The following TMEM181 variants were observed in gnomAD, a reference collection of about 807,000 sequenced individuals.
TMEM181 encodes transmembrane protein 181, also known as G protein-coupled receptor 178.
In TMEM181, 39 loss-of-function variants were observed where a neutral mutation model predicts 71.9. The observed-to-expected ratio is 0.54, with a 90% CI of 0.42 to 0.71. The LOEUF (loss-of-function observed/expected upper bound fraction) is 0.71, where lower values mean the gene tolerates loss of function less well. Among genes scored for constraint, TMEM181 ranks in the 30% least tolerant of loss-of-function variants. The probability of loss-of-function intolerance (pLI) is 0.00; values close to 1 mark genes in which losing one functional copy is unlikely to be tolerated. For synonymous variants in TMEM181, 245 were observed against 228.8 expected, an observed-to-expected ratio of 1.07 and a Z score of -0.64; for missense variants, 595 against 583.0, an observed-to-expected ratio of 1.02 and a Z score of -0.21.
chr6:158,606,070 G>A (rs1045044581), intron 7 of TMEM181, among the ~76,000 whole-genome samples: 1 of 152,112 alleles, frequency 6.6e-6, no homozygotes, highest in Non-Finnish European at 1.5e-5. Context: ...GAGTAACTGT[G>A]CATGGAAGGA....
chr6:158,573,554 T>C (rs544771571), intron 2 of TMEM181, 31 bp downstream of exon 2: 17 of 1,556,658 alleles, frequency 1.1e-5, no homozygotes, highest in East Asian at 4.8e-5. Flanking sequence ...ATTGAATCTT[T>C]TGCCATGCGC....
intron 10 of TMEM181, among the ~76,000 whole-genome samples, chr6:158,623,024 C>T (rs1245701764): frequency 1.3e-5 from 2 of 152,140 alleles, no homozygotes; most frequent in South Asian, 2.1e-4. Context: ...GGAGTAGCTC[C>T]GTTTCCAGGT....
intron 6 of TMEM181, among the ~76,000 whole-genome samples, chr6:158,591,399 G>A (rs1410110537): frequency 1.3e-5 from 2 of 152,138 alleles, no homozygotes; most frequent in Non-Finnish European, 1.5e-5. Context: ...CGGGAGCCAC[G>A]TCACTAGTGG....
At chr6:158,562,510 A>G (rs1782247449) in intron 1 of TMEM181, among the ~76,000 whole-genome samples, 1 of 148,090 alleles carries the variant, frequency 6.8e-6, no homozygotes, top group African/African-American at 2.5e-5. Flanking sequence ...TTTAGTGTGT[A>G]TTTTATGTGT....
chr6:158,550,046 A>T (rs560719487), intron 1 of TMEM181, among the ~76,000 whole-genome samples: 1 of 150,106 alleles, frequency 6.7e-6, no homozygotes, highest in South Asian at 2.1e-4. Context: ...CTCCAAAAGC[A>T]TCACTGATCA....
intron 13 of TMEM181, among the ~76,000 whole-genome samples, chr6:158,627,888 C>T (rs1189414332): frequency 6.6e-6 from 1 of 152,150 alleles, no homozygotes; most frequent in Non-Finnish European, 1.5e-5. Context: ...GTCCCGAGGC[C>T]TCTGTTGTCA....
chr6:158,590,652 CAG>C (rs1784057818), intron 6 of TMEM181, among the ~76,000 whole-genome samples: 1 of 152,166 alleles, frequency 6.6e-6, no homozygotes, highest in African/African-American at 2.4e-5. Flanking sequence ...TTAGTAGAGA[CAG>C]AGTTTCACCA....
At chr6:158,553,410 T>TGCA (rs1781777349) in intron 1 of TMEM181, among the ~76,000 whole-genome samples, 3 of 152,356 alleles carry the variant, frequency 2.0e-5, no homozygotes, top group African/African-American at 7.2e-5. Flanking sequence ...TATTTCTCTG[T>TGCA]TAACCATTTT....
rs559844193 is a variant in TMEM181 at position 158,538,466 on chromosome 6, T to C, written c.131+1601T>C. ...CACCATGCCTGGCCTTTTTTTTTTT[T>C]CCTGTATTTTCTTTTCTTGGGAATA... On this transcript the variant is annotated intron_variant, in intron 1 of 16. Transcript: ENST00000367090. Among the ~76,000 whole-genome samples the C allele has an allele frequency of 2.1e-4, 32 of 151,832 alleles. No individual in the cohort carries two copies. In the East Asian group the frequency reaches 5.6e-3, roughly 27 times the overall value.
rs1583029439 is a variant in TMEM181, at chr6:158,609,946, G to C, written c.896+1196G>C. ...CTTCTCAGGTGGAGGAGTACGTCAG[G>C]ACTGCCATGAGGCCCACCGACGTTG... On this transcript the variant is annotated intron_variant, in intron 10 of 16. Transcript: ENST00000684151. 3 of 228,858 alleles carry C rather than the reference G, an allele frequency of 1.3e-5. No homozygotes were observed. The East Asian group carries it at 3.2e-4, about 24-fold the overall frequency. 14.2% of individuals were successfully genotyped at this position (228,858 alleles called of 1,614,324 possible).
intron 5 of TMEM181, among the ~76,000 whole-genome samples, chr6:158,588,305 A>G (rs1418931842): frequency 6.6e-6 from 1 of 152,144 alleles, no homozygotes; most frequent in Non-Finnish European, 1.5e-5. Flanking sequence ...GTGAGTTGAG[A>G]TGGTGACCTT....
Position 158,579,697 on chromosome 6 carries a change from C to T in TMEM181, c.113-1243C>T, listed in dbSNP as rs151186690. Among the ~76,000 whole-genome samples the T allele has an allele frequency of 4.7e-3, 713 of 152,074 alleles. 8 individuals are homozygous for T. Among genetic ancestry groups the T allele is most frequent in the African/African-American group, 0.017 (684 of 41,416 alleles). ...TCCTGCCATTGCAGTCCAGCCTGGG[C>T]AACAAGAGTGAAACGCTGTCTCAAA... On this transcript the variant is annotated intron_variant, in intron 2 of 16. Transcript: ENST00000684151.
intron 14 of TMEM181, among the ~76,000 whole-genome samples, chr6:158,629,035 C>A (rs941517923): frequency 4.6e-5 from 7 of 152,116 alleles, no homozygotes; most frequent in Non-Finnish European, 8.8e-5. Context: ...AATACTGGGA[C>A]CCCCTTCGAT....
chr6:158,585,087 G>A (rs934894017), intron 4 of TMEM181, among the ~76,000 whole-genome samples: 2 of 152,148 alleles, frequency 1.3e-5, no homozygotes, highest in African/African-American at 4.8e-5. Flanking sequence ...TGAAGTGCAG[G>A]TTTTGACATA....
chr6:158,550,386 G>A (rs1262555026), intron 1 of TMEM181, among the ~76,000 whole-genome samples: 6 of 151,618 alleles, frequency 4.0e-5, no homozygotes, highest in East Asian at 2.0e-4. Context: ...AGCCGGGCGC[G>A]GTGGCTCATG....
Position 158,633,064 on chromosome 6 carries a change from G to A in TMEM181, c.*1176G>A, listed in dbSNP as rs1048040508. ...AGCCTGGGTGTCAGAGCGAGAACCCGTGTCATAAATAAATAAAGCTACATG... is the reference window on the plus strand; with the variant it reads ...AGCCTGGGTGTCAGAGCGAGAACCCATGTCATAAATAAATAAAGCTACATG... On this transcript the variant is annotated 3_prime_UTR_variant, in exon 17 of 17. Coordinates refer to ENST00000684151, the MANE Select transcript of TMEM181 (RefSeq NM_001376852.1). 1 of 152,142 alleles carries A rather than the reference G, an allele frequency of 6.6e-6. No homozygotes were observed. The highest frequency in any genetic ancestry group is 1.5e-5 in the Non-Finnish European group (1 of 68,032). 9.4% of individuals were successfully genotyped at this position (152,142 alleles called of 1,614,324 possible).
At chr6:158,572,308 G>A in intron 1 of TMEM181, 1 of 337,582 alleles carries the variant, frequency 3.0e-6, no homozygotes, top group Non-Finnish European at 5.8e-6. Flanking sequence ...GCCAGGCTGA[G>A]CATACTATGT....
chr6:158,610,262 G>C (rs1174655225), intron 10 of TMEM181: 1 of 267,024 alleles, frequency 3.7e-6, no homozygotes, highest in Non-Finnish European at 7.9e-6. Flanking sequence ...TTTCTTTCCT[G>C]ACTCTTATTG....
chr6:158,607,557 C>T (rs1316652399), intron 8 of TMEM181, among the ~76,000 whole-genome samples: 1 of 152,190 alleles, frequency 6.6e-6, no homozygotes, highest in Non-Finnish European at 1.5e-5. Flanking sequence ...GTGGTCCCAA[C>T]TGCTTGGGAG....
Sources: allele counts gnomAD v4.1 joint callset (sites outside exome capture counted in the v4.1 genomes callset), GRCh38; gene constraint gnomAD v4.1.1; transcripts MANE v1.5; gene names NCBI Gene and HGNC (gene_info 2026-07-23, HGNC 2026-07-21).